Variants in ADAMTS3 observed in about 807,000 individuals in gnomAD.
The protein encoded by ADAMTS3 is ADAM metallopeptidase with thrombospondin type 1 motif 3, also known as A disintegrin and metalloproteinase with thrombospondin motifs 3.
Under a neutral mutation model 129.0 loss-of-function variants are expected in ADAMTS3, and 73 were observed. The observed-to-expected ratio is 0.57, with a 90% CI of 0.47 to 0.69. ADAMTS3 has a LOEUF of 0.69. Ranked by LOEUF, ADAMTS3 falls within the 30% of genes least tolerant of loss-of-function variation. ADAMTS3 has a pLI of 0.00. For synonymous variants in ADAMTS3, 477 were observed against 510.8 expected (o/e 0.93, Z 0.89); for missense variants, 1,457 against 1,514.5 (o/e 0.96, Z 0.63).
At chr4:72,329,866 T>G (rs559194237) in intron 5 of ADAMTS3, among the ~76,000 whole-genome samples, 38 of 152,324 alleles carry the variant, frequency 2.5e-4, no homozygotes, top group African/African-American at 9.6e-5. Flanking sequence ...CTCTACTTTC[T>G]CTGCCTAACC....
At chr4:72,288,425 T>C (rs1209531933) in intron 21 of ADAMTS3, among the ~76,000 whole-genome samples, 1 of 152,174 alleles carries the variant, frequency 6.6e-6, no homozygotes, top group Non-Finnish European at 1.5e-5. Context: ...AGATGTGAAG[T>C]TATAGTTAAA....
chr4:72,406,049 T>C (rs1478561893), intron 4 of ADAMTS3, among the ~76,000 whole-genome samples: 1 of 152,072 alleles, frequency 6.6e-6, no homozygotes, highest in African/African-American at 2.4e-5. Flanking sequence ...AGAACAGCAA[T>C]GTCTGAGTCT....
intron 2 of ADAMTS3, among the ~76,000 whole-genome samples, chr4:72,558,511 G>T (rs747221667): frequency 3.3e-5 from 5 of 151,478 alleles, no homozygotes; most frequent in Non-Finnish European, 7.4e-5. Flanking sequence ...CTATTTTAAG[G>T]TCATTTGATT....
At chr4:72,292,128 A>G (rs904931129) in intron 19 of ADAMTS3, among the ~76,000 whole-genome samples, 3 of 152,196 alleles carry the variant, frequency 2.0e-5, no homozygotes, top group Admixed American at 6.5e-5. Flanking sequence ...GAATCCATCT[A>G]ATGGTTGCTA....
rs117928882 is a variant in ADAMTS3, at chr4:72,462,673, T to C, written c.505-47702A>G. The stretch of plus-strand genomic sequence containing the variant: ...TCCCATGTAGTCTGAGTCTAATGTG[T>C]ATGTTCGTGTTTTAGTTTTTAATGA... On this transcript the variant is annotated intron_variant, in intron 3 of 21. Coordinates refer to ENST00000286657, the MANE Select transcript of ADAMTS3 (RefSeq NM_014243.3). Among the ~76,000 whole-genome samples the C allele has an allele frequency of 4.6e-5, 7 of 152,090 alleles. 1 individual carries two copies. In the East Asian group the frequency reaches 1.2e-3, roughly 25 times the overall value.
chr4:72,459,552 G>A (rs924444840), intron 3 of ADAMTS3, among the ~76,000 whole-genome samples: 14 of 151,416 alleles, frequency 9.2e-5, no homozygotes, highest in Admixed American at 7.9e-4. Context: ...CAAAGCTTCA[G>A]TTCCACCATC....
intron 4 of ADAMTS3, among the ~76,000 whole-genome samples, chr4:72,381,221 T>C (rs573018405): frequency 6.6e-6 from 1 of 152,254 alleles, no homozygotes; most frequent in African/African-American, 2.4e-5. Flanking sequence ...CCTATGTGCA[T>C]TTAATAGTAT....
intron 3 of ADAMTS3, among the ~76,000 whole-genome samples, chr4:72,436,371 G>C (rs1717926436): frequency 6.6e-6 from 1 of 152,108 alleles, no homozygotes; most frequent in African/African-American, 2.4e-5. Context: ...TGCTGGAGAG[G>C]ATGTGGAGAA....
intron 21 of ADAMTS3, among the ~76,000 whole-genome samples, chr4:72,288,360 T>C (rs929021836): frequency 5.3e-5 from 8 of 152,194 alleles, no homozygotes; most frequent in African/African-American, 1.9e-4. Flanking sequence ...CAGATCAAAA[T>C]TGAATAATTT....
intron 15 of ADAMTS3, among the ~76,000 whole-genome samples, chr4:72,307,829 TATGATGACA>T (rs1719127925): frequency 1.3e-5 from 2 of 151,992 alleles, no homozygotes; most frequent in South Asian, 4.1e-4. Context: ...ATTAAATCAC[TATGATGACA>T]ATATTAGTGC....
chr4:72,325,933 C>T (rs1172676609), intron 5 of ADAMTS3, among the ~76,000 whole-genome samples: 1 of 152,036 alleles, frequency 6.6e-6, no homozygotes, highest in African/African-American at 2.4e-5. Flanking sequence ...ATAAAATTAA[C>T]ACAGTGTCAA....
rs1213788579 is a variant in ADAMTS3 at position 72,514,407 on chromosome 4, T to C, written c.504+34071A>G. 8.5e-5 allele frequency among the ~76,000 whole-genome samples: 13 copies of C among 152,288 alleles called. No homozygotes were observed. In the South Asian group the frequency reaches 2.5e-3, roughly 29 times the overall value. ...GAATCTATTGAGGGTGGGAGTATTA[T>C]AAAACCATGAAAAACAAACATTATC... On this transcript the variant is annotated intron_variant, in intron 3 of 21. Transcript: ENST00000286657.
At chr4:72,551,287 A>G (rs1721640016) in intron 2 of ADAMTS3, among the ~76,000 whole-genome samples, 2 of 152,240 alleles carry the variant, frequency 1.3e-5, no homozygotes, top group South Asian at 4.1e-4. Flanking sequence ...AAACGCAGGG[A>G]GCCTTCTCCA....
At chr4:72,359,042 A>T (rs899790637) in intron 4 of ADAMTS3, among the ~76,000 whole-genome samples, 1 of 152,016 alleles carries the variant, frequency 6.6e-6, no homozygotes, top group African/African-American at 2.4e-5. Flanking sequence ...AAAAAGCTGA[A>T]GAGACTAGAG....
chr4:72,390,217 A>G (rs750907419), intron 4 of ADAMTS3, among the ~76,000 whole-genome samples: 1 of 152,220 alleles, frequency 6.6e-6, no homozygotes, highest in African/African-American at 2.4e-5. Flanking sequence ...TTTGAGAAGG[A>G]TGGCATAAGA....
At chr4:72,474,145 A>G (rs1383336114) in intron 3 of ADAMTS3, among the ~76,000 whole-genome samples, 1 of 152,206 alleles carries the variant, frequency 6.6e-6, no homozygotes, top group Admixed American at 6.5e-5. Flanking sequence ...ACATATGAAA[A>G]AGTCCAGATA....
At chr4:72,378,945 G>C (rs546383089) in intron 4 of ADAMTS3, among the ~76,000 whole-genome samples, 1 of 152,212 alleles carries the variant, frequency 6.6e-6, no homozygotes, top group East Asian at 1.9e-4. Flanking sequence ...ACAGGTCGCA[G>C]TTCTCTTGCC....
intron 3 of ADAMTS3, among the ~76,000 whole-genome samples, chr4:72,520,870 C>T (rs1720651359): frequency 1.3e-5 from 2 of 152,104 alleles, no homozygotes; most frequent in African/African-American, 2.4e-5. Context: ...CACTGTTTGG[C>T]ACTGCCTAGT....
chr4:72,529,567 C>T (rs1225383895), intron 3 of ADAMTS3, among the ~76,000 whole-genome samples: 2 of 145,234 alleles, frequency 1.4e-5, no homozygotes, highest in Non-Finnish European at 3.0e-5. Context: ...GATGGGATCT[C>T]GATATATACA....
Sources: allele counts gnomAD v4.1 joint callset (sites outside exome capture counted in the v4.1 genomes callset), GRCh38; gene constraint gnomAD v4.1.1; transcripts MANE v1.5; gene names NCBI Gene and HGNC (gene_info 2026-07-23, HGNC 2026-07-21).